The following RAP1GAP2 variants were observed in gnomAD, a reference collection of about 807,000 sequenced individuals.
RAP1GAP2 encodes rap1 GTPase-activating protein 2.
A neutral mutation model predicts 95.0 loss-of-function variants in RAP1GAP2; 27 were observed. The observed-to-expected ratio is 0.28, with a 90% confidence interval of 0.21 to 0.39. The LOEUF (loss-of-function observed/expected upper bound fraction) is 0.39. Among genes scored for constraint, RAP1GAP2 ranks in the 10% least tolerant of loss-of-function variants. The pLI is 1.00. For synonymous variants in RAP1GAP2, 373 were observed against 380.9 expected, an observed-to-expected ratio of 0.98 and a Z score of 0.24; for missense variants, 771 against 970.0, an observed-to-expected ratio of 0.79 and a Z score of 2.72.
At chr17:2,763,325 A>C (rs2068217711) in intron 1 of RAP1GAP2, among the ~76,000 whole-genome samples, 1 of 152,164 alleles carries the variant, frequency 6.6e-6, no homozygotes, top group South Asian at 2.1e-4. Context: ...GATCAGATAC[A>C]GCCTTTGTAC....
rs2047464954 is a variant in RAP1GAP2, at chr17:3,036,332, A to AG, written c.*2971_*2972insG. ...ACAGCTGGCTGTTGGCAAAGCTGGG[A>AG]TTAGAACCCTCAACCCAGGGTCCCT... On this transcript the variant is annotated 3_prime_UTR_variant, in exon 25 of 25. Transcript: ENST00000254695. The AG allele has an allele frequency of 1.3e-5, 2 of 152,170 alleles. No individual in the cohort carries two copies. The highest frequency in any genetic ancestry group is 2.4e-5 in the African/African-American group (1 of 41,430). The allele number at this position is 152,170 out of a possible 1,614,324, so 9.4% of individuals were successfully genotyped here. A position where few individuals can be genotyped will look rare whatever the true frequency, so the allele number is the denominator to read the frequency against.
At position 2,833,439 on chromosome 17, in the gene RAP1GAP2, T is replaced by C. The variant is rs1014927519; in HGVS notation, c.80+32889T>C. 6.6e-5 allele frequency among the ~76,000 whole-genome samples: 10 copies of C among 151,894 alleles called. No homozygotes were observed. In the South Asian group the frequency reaches 1.9e-3, roughly 28 times the overall value. ...GGGGTGAGCCACCGCGCCTGGCCTG[T>C]TCTTGGTATGTTTTTACTCTTATGA... On this transcript the variant is annotated intron_variant, in intron 2 of 24. Transcript: ENST00000254695.
At chr17:2,872,291 C>T (rs1022505114) in intron 2 of RAP1GAP2, among the ~76,000 whole-genome samples, 2 of 147,420 alleles carry the variant, frequency 1.4e-5, no homozygotes, top group African/African-American at 5.0e-5. Flanking sequence ...AAGACGAGTT[C>T]TCCAAAACAA....
Position 2,816,165 on chromosome 17 carries a change from T to C in RAP1GAP2, c.80+15615T>C, listed in dbSNP as rs534147448. 2.0e-5 allele frequency among the ~76,000 whole-genome samples: 3 copies of C among 151,624 alleles called. No homozygotes were observed. The East Asian group carries it at 5.8e-4, about 29-fold the overall frequency. ...AGAGCTGGAAGAGGCCCGAGCCGGC[T>C]CCGGGGGCATCCTGCCTGCTAAGGT... is the stretch of plus-strand genomic sequence containing the variant. On this transcript the variant is annotated intron_variant, in intron 2 of 24. Coordinates refer to ENST00000254695, the MANE Select transcript of RAP1GAP2 (RefSeq NM_015085.5).
chr17:2,899,297 C>G (rs867765061), intron 2 of RAP1GAP2, among the ~76,000 whole-genome samples: 84 of 152,216 alleles, frequency 5.5e-4, no homozygotes, highest in African/African-American at 2.0e-3. Flanking sequence ...CTCCGCCTTC[C>G]GGGAGCTTCC....
intron 3 of RAP1GAP2, among the ~76,000 whole-genome samples, chr17:2,945,110 C>G (rs1052012215): frequency 6.6e-6 from 1 of 152,118 alleles, no homozygotes; most frequent in African/African-American, 2.4e-5. Context: ...CTCCTGACTT[C>G]GTGATCCACC....
chr17:2,954,320 G>A (rs1010357926), intron 3 of RAP1GAP2, among the ~76,000 whole-genome samples: 7 of 151,880 alleles, frequency 4.6e-5, no homozygotes, highest in Admixed American at 4.6e-4. Context: ...TAGCCAGGAT[G>A]GTCTCGATCT....
chr17:2,998,693 G>A (rs1035620774), intron 14 of RAP1GAP2, among the ~76,000 whole-genome samples: 1 of 151,510 alleles, frequency 6.6e-6, no homozygotes, highest in Non-Finnish European at 1.5e-5. Flanking sequence ...CGCTGTGAGT[G>A]TAGTATTTGG....
intron 2 of RAP1GAP2, among the ~76,000 whole-genome samples, chr17:2,847,813 C>G (rs1415253738): frequency 1.3e-5 from 2 of 152,090 alleles, no homozygotes; most frequent in African/African-American, 4.8e-5. Context: ...CAGCCTCATC[C>G]GCTCCTGATT....
chr17:2,813,594 G>A (rs555108689), intron 2 of RAP1GAP2, among the ~76,000 whole-genome samples: 7 of 152,262 alleles, frequency 4.6e-5, no homozygotes, highest in South Asian at 2.1e-4. Context: ...CATCCTGTGC[G>A]TTGTAGGGTG....
chr17:3,002,438 C>G (rs1415151382), intron 14 of RAP1GAP2, among the ~76,000 whole-genome samples: 1 of 152,148 alleles, frequency 6.6e-6, no homozygotes, highest in African/African-American at 2.4e-5. Context: ...GGGAGGGGGA[C>G]CAGCCTTCCA....
In RAP1GAP2 at chr17:2,903,351, G is replaced by A. The variant is rs1250458441; in HGVS notation, c.81-1933G>A. On this transcript the variant is annotated intron_variant, in intron 2 of 24. Coordinates refer to ENST00000254695, the MANE Select transcript of RAP1GAP2 (RefSeq NM_015085.5). This position sits in a 1 kb window ranked among gnomAD's most constrained non-coding sequence, Gnocchi z 4.1. ...AGGCGGTGAGCCTGTGCTGGACCCA[G>A]CTCTGTTGTGCACACAGGCAGGTGA... Among the ~76,000 whole-genome samples, 1 of 152,204 alleles carries A rather than the reference G, an allele frequency of 6.6e-6. No homozygotes were observed. The highest frequency in any genetic ancestry group is 2.4e-5 in the African/African-American group (1 of 41,458).
chr17:2,940,675 T>C (rs1039913348), intron 3 of RAP1GAP2, among the ~76,000 whole-genome samples: 2 of 152,194 alleles, frequency 1.3e-5, no homozygotes, highest in Non-Finnish European at 2.9e-5. Flanking sequence ...CCCTGCAGGC[T>C]CTGCAGACGC....
chr17:2,967,046 G>T (rs978314512), intron 8 of RAP1GAP2, among the ~76,000 whole-genome samples: 2 of 152,152 alleles, frequency 1.3e-5, no homozygotes, highest in Non-Finnish European at 2.9e-5. Flanking sequence ...TGAATATTGA[G>T]AGTTGAACCC....
chr17:2,969,960 G>A (rs192236702), intron 8 of RAP1GAP2, among the ~76,000 whole-genome samples: 1 of 151,806 alleles, frequency 6.6e-6, no homozygotes, highest in Admixed American at 6.6e-5. Flanking sequence ...CCATTGCATG[G>A]ATGTGAAATA....
At chr17:2,954,418 T>C (rs1308612869) in intron 3 of RAP1GAP2, among the ~76,000 whole-genome samples, 3 of 151,946 alleles carry the variant, frequency 2.0e-5, no homozygotes, top group African/African-American at 7.3e-5. Context: ...GTAAGAGTTT[T>C]TGTGTGGACG....
At chr17:2,898,557 C>T (rs191843802) in intron 2 of RAP1GAP2, among the ~76,000 whole-genome samples, 3 of 152,318 alleles carry the variant, frequency 2.0e-5, no homozygotes, top group Non-Finnish European at 2.9e-5. Context: ...TGCATATACC[C>T]GGGGCCTGGC....
intron 3 of RAP1GAP2, among the ~76,000 whole-genome samples, chr17:2,913,904 TC>T (rs2042477148): frequency 6.6e-6 from 1 of 151,746 alleles, no homozygotes; most frequent in African/African-American, 2.4e-5. Context: ...GGAGTCTCGC[TC>T]TGTTGCCCAG....
chr17:2,892,113 C>T (rs1209264225), intron 2 of RAP1GAP2, among the ~76,000 whole-genome samples: 5 of 152,022 alleles, frequency 3.3e-5, no homozygotes, highest in Non-Finnish European at 4.4e-5. Flanking sequence ...CGTGAGCCAC[C>T]GCACCCGGCC....
Sources: allele counts gnomAD v4.1 joint callset (sites outside exome capture counted in the v4.1 genomes callset), GRCh38; gene constraint gnomAD v4.1.1; non-coding constraint Gnocchi (gnomAD v3.1); transcripts MANE v1.5; gene names NCBI Gene and HGNC (gene_info 2026-07-23, HGNC 2026-07-21).